Variants in VLDLR observed in about 807,000 individuals in gnomAD.
The protein encoded by VLDLR is very low density lipoprotein receptor.
A neutral mutation model predicts 112.7 loss-of-function variants in VLDLR; 81 were observed. The observed-to-expected ratio is 0.72, with a 90% CI of 0.60 to 0.86. The LOEUF (loss-of-function observed/expected upper bound fraction) is 0.86, where lower values mean the gene tolerates loss of function less well. VLDLR is among the 40% of genes least tolerant of loss of function. VLDLR has a pLI of 0.00. For missense variants in VLDLR, 1,237 were observed against 1,099.4 expected, an observed-to-expected ratio of 1.13 and a Z score of -1.77; for synonymous variants, 436 against 384.8, an observed-to-expected ratio of 1.13 and a Z score of -1.56.
chr9:2,651,803 C>T, intron 16 of VLDLR, 71 bp from the exon 17 acceptor site: 3 of 1,574,464 alleles, frequency 1.9e-6, no homozygotes, highest in Non-Finnish European at 2.6e-6. Context: ...GTTTTGGCTC[C>T]TTACCTGATG....
chr9:2,633,750 A>T (rs937058786), intron 1 of VLDLR, among the ~76,000 whole-genome samples: 2 of 152,152 alleles, frequency 1.3e-5, no homozygotes, highest in Non-Finnish European at 2.9e-5. Flanking sequence ...GAGTCTTACC[A>T]CTTTCACAGT....
Position 2,657,822 on chromosome 9 carries a change from A to G in VLDLR, c.*3954A>G, listed in dbSNP as rs1249892429. 2 of 152,174 alleles carry G rather than the reference A, an allele frequency of 1.3e-5. No individual in the cohort carries two copies. The highest frequency in any genetic ancestry group is 1.5e-5 in the Non-Finnish European group (1 of 68,034). 9.4% of individuals were successfully genotyped at this position (152,174 alleles called of 1,614,324 possible). A position where few individuals can be genotyped will look rare whatever the true frequency, so the allele number is the denominator to read the frequency against. ...GGTTTTTAGGTATTTTTGGTATTAT[A>G]TAGTCTCTAAGGCCAGAAGGGGCTT... On this transcript the variant is annotated 3_prime_UTR_variant, in exon 19 of 19. Transcript: ENST00000382100.
intron 14 of VLDLR, 111 bp from the exon 15 acceptor site, chr9:2,650,259 C>G (rs998610591): frequency 3.7e-6 from 5 of 1,337,624 alleles, no homozygotes; most frequent in Non-Finnish European, 5.3e-6. Context: ...GCAGAGTAGA[C>G]AAGTTTAAGC....
intron 4 of VLDLR, among the ~76,000 whole-genome samples, chr9:2,642,815 T>C (rs1817884920): frequency 6.6e-6 from 1 of 152,210 alleles, no homozygotes; most frequent in Non-Finnish European, 1.5e-5. Context: ...AGTATGTTGA[T>C]TCAAGGACAA....
In VLDLR at chr9:2,622,158, G is replaced by GCGA. The variant is rs1383589607; in HGVS notation, c.-30_-29insACG. ...TCGTGCGGAGCGAACGGCGGCGGCG[G>GCGA]CGGCGGCGGCGGCACCATCCAGGCG... On this transcript the variant is annotated 5_prime_UTR_variant, in exon 1 of 19. Coordinates refer to ENST00000382100, the MANE Select transcript of VLDLR (RefSeq NM_003383.5). 1 of 1,432,556 alleles carries GCGA rather than the reference G, an allele frequency of 7.0e-7. No individual in the cohort carries two copies. Among genetic ancestry groups the GCGA allele is most frequent in the Non-Finnish European group, 9.2e-7 (1 of 1,084,772 alleles). 88.7% of individuals were successfully genotyped at this position (1,432,556 alleles called of 1,614,324 possible). A position where few individuals can be genotyped will look rare whatever the true frequency, so the allele number is the denominator to read the frequency against.
At chr9:2,653,477 C>G (rs1005063656) in intron 18 of VLDLR, among the ~76,000 whole-genome samples, 1 of 152,168 alleles carries the variant, frequency 6.6e-6, no homozygotes, top group African/African-American at 2.4e-5. Flanking sequence ...ACGTAGGAAA[C>G]AGGCTGAACA....
At chr9:2,639,221 CTT>C (rs1817727643) in intron 2 of VLDLR, among the ~76,000 whole-genome samples, 2 of 152,206 alleles carry the variant, frequency 1.3e-5, no homozygotes, top group Admixed American at 1.3e-4. Flanking sequence ...TGAGGGCTGT[CTT>C]TCTGGTTTGC....
At chr9:2,644,613 T>C in intron 7 of VLDLR, 121 bp from the exon 8 acceptor site, 1 of 1,273,970 alleles carries the variant, frequency 7.8e-7, no homozygotes, top group East Asian at 2.4e-5. Context: ...GATTAGGTCT[T>C]AGACAAATCG....
intron 18 of VLDLR, 31 bp downstream of exon 18, chr9:2,652,980 G>A (rs1818422576): frequency 6.2e-7 from 1 of 1,613,718 alleles, no homozygotes; most frequent in Non-Finnish European, 8.5e-7. Flanking sequence ...TATACACCAT[G>A]GCTTGAAGTG....
rs1312088467 is a variant in VLDLR at position 2,639,912 on chromosome 9, C to A, written c.256C>A (p.Pro86Thr). The change falls in exon 3 of 19, where the codon CCC becomes ACC. Residue 86 changes from proline to threonine, a missense_variant. Physicochemically the swap from Pro to Thr is conservative, Grantham distance 38. Coordinates refer to ENST00000382100, the MANE Select transcript of VLDLR (RefSeq NM_003383.5). ...DFVCNNGQCV[P>T]SRWKCDGDPD... The stretch of plus-strand genomic sequence containing the variant: ...CGTGTGCAACAATGGCCAGTGTGTT[C>A]CCAGCCGATGGAAGTGTGATGGAGA... 6.2e-7 allele frequency: 1 copy of A among 1,614,002 alleles called. No homozygotes were observed. The highest frequency in any genetic ancestry group is 1.3e-5 in the African/African-American group (1 of 74,908).
intron 2 of VLDLR, among the ~76,000 whole-genome samples, chr9:2,639,499 T>A (rs1345389494): frequency 6.6e-6 from 1 of 152,198 alleles, no homozygotes; most frequent in Non-Finnish European, 1.5e-5. Flanking sequence ...GTTTAGCTGT[T>A]AAATGAAGTA....
At chr9:2,637,607 A>G (rs1817646744) in intron 2 of VLDLR, among the ~76,000 whole-genome samples, 1 of 151,408 alleles carries the variant, frequency 6.6e-6, no homozygotes, top group African/African-American at 2.4e-5. Flanking sequence ...ACTGTGGTAT[A>G]CAGCCAATCT....
chr9:2,649,402 G>GT (rs372709865), intron 14 of VLDLR, among the ~76,000 whole-genome samples: 2,697 of 151,902 alleles, frequency 0.018, 29 homozygotes, highest in Middle Eastern at 0.031. Context: ...TTCTTTTTCT[G>GT]TTTTTTGGAG....
intron 1 of VLDLR, 145 bp from the exon 2 acceptor site, chr9:2,635,308 G>A: frequency 8.2e-7 from 1 of 1,222,358 alleles, no homozygotes; most frequent in Non-Finnish European, 1.2e-6. Context: ...GTCACTGGCT[G>A]AAGAGCCATC....
intron 1 of VLDLR, 135 bp from the exon 2 acceptor site, chr9:2,635,318 C>A: frequency 7.4e-7 from 1 of 1,344,032 alleles, no homozygotes. Context: ...GAAGAGCCAT[C>A]CTACTCTGGC....
In VLDLR at chr9:2,653,937, A is replaced by T; in HGVS notation, c.*69A>T. On this transcript the variant is annotated 3_prime_UTR_variant, in exon 19 of 19. Transcript: ENST00000382100. ...CCCCCGTCGGAATGGTAACCGAGCC[A>T]GCAGCTGAAGTCTCTTTTTCTTCCT... 2.6e-6 allele frequency: 4 copies of T among 1,524,634 alleles called. No homozygotes were observed. The South Asian group carries it at 4.5e-5, about 17-fold the overall frequency. The allele number at this position is 1,524,634 out of a possible 1,614,324, so 94.4% of individuals were successfully genotyped here.
chr9:2,649,769 A>T (rs944792366), intron 14 of VLDLR, among the ~76,000 whole-genome samples: 5 of 152,180 alleles, frequency 3.3e-5, no homozygotes, highest in African/African-American at 7.2e-5. Context: ...AATATCTCCA[A>T]ATAAGATCAC....
rs897298866 is a variant in VLDLR at position 2,656,011 on chromosome 9, T to G, written c.*2143T>G. The G allele has an allele frequency of 6.6e-6, 1 of 152,062 alleles. No homozygotes were observed. The highest frequency in any genetic ancestry group is 1.5e-5 in the Non-Finnish European group (1 of 68,008). The allele number at this position is 152,062 out of a possible 1,614,324, so 9.4% of individuals were successfully genotyped here. Reference sequence around the variant, plus strand: ...CCTTTAGAAGCTTGAAGTTTGATACTATTGCTTTCCCCATTATAAGGATTA... The same window carrying G: ...CCTTTAGAAGCTTGAAGTTTGATACGATTGCTTTCCCCATTATAAGGATTA... On this transcript the variant is annotated 3_prime_UTR_variant, in exon 19 of 19. Transcript: ENST00000382100.
chr9:2,630,291 A>G (rs1183117620), intron 1 of VLDLR, among the ~76,000 whole-genome samples: 11 of 152,170 alleles, frequency 7.2e-5, no homozygotes, highest in Admixed American at 7.2e-4. Flanking sequence ...AAATAGAAAC[A>G]CTGTCATTAA....
Sources: gnomAD v4.1 joint callset for allele counts (sites outside exome capture counted in the v4.1 genomes callset) on GRCh38, gnomAD v4.1.1 for gene constraint, MANE v1.5 for transcripts, NCBI Gene and HGNC (gene_info 2026-07-23, HGNC 2026-07-21) for gene names.